CFAP20DC: variants seen among roughly 807,000 people sequenced by gnomAD.
CFAP20DC encodes the protein CFAP20 domain containing.
Under a neutral mutation model 101.7 loss-of-function variants are expected in CFAP20DC, and 84 were observed. The observed-to-expected ratio is 0.83, with a 90% CI of 0.69 to 0.99. The LOEUF is 0.99. Ranked by LOEUF, CFAP20DC falls within the 50% of genes least tolerant of loss-of-function variation. The pLI, the probability that CFAP20DC is intolerant of heterozygous loss-of-function variation, is 0.00. For missense variants in CFAP20DC, 1,007 were observed against 970.3 expected, an observed-to-expected ratio of 1.04 and a Z score of -0.50; for synonymous variants, 359 against 351.2, an observed-to-expected ratio of 1.02 and a Z score of -0.25.
chr3:59,038,479 C>T (rs943117409), intron 4 of CFAP20DC, among the ~76,000 whole-genome samples: 1 of 152,112 alleles, frequency 6.6e-6, no homozygotes, highest in Non-Finnish European at 1.5e-5. Flanking sequence ...CTGAGCTTTG[C>T]TTTATTGCAC....
chr3:58,734,480 A>C, intron 3 of CFAP20DC: 1 of 453,738 alleles, frequency 2.2e-6, no homozygotes, highest in Non-Finnish European at 4.4e-6. Flanking sequence ...ACCATGTGCT[A>C]AGTGCTTTTT....
intron 14 of CFAP20DC, among the ~76,000 whole-genome samples, chr3:58,816,156 T>C (rs1179692275): frequency 1.3e-5 from 2 of 151,138 alleles, no homozygotes; most frequent in South Asian, 2.1e-4. Context: ...GTGGCACACA[T>C]ACACCATGGA....
chr3:58,918,116 C>G (rs139128964), intron 5 of CFAP20DC, among the ~76,000 whole-genome samples: 1 of 152,260 alleles, frequency 6.6e-6, no homozygotes, highest in East Asian at 1.9e-4. Flanking sequence ...GAGTCTTAGA[C>G]ACATTACCGT....
chr3:58,762,606 T>A (rs1239495696), intron 15 of CFAP20DC, among the ~76,000 whole-genome samples: 1 of 152,236 alleles, frequency 6.6e-6, no homozygotes, highest in Non-Finnish European at 1.5e-5. Context: ...ATTTTGCTCG[T>A]TAGTTGATGC....
At chr3:58,796,574 A>G (rs2107665436) in intron 15 of CFAP20DC, among the ~76,000 whole-genome samples, 2 of 152,210 alleles carry the variant, frequency 1.3e-5, no homozygotes, top group Middle Eastern at 6.8e-3. Context: ...CCTCTCCAGG[A>G]ACAGAAGGGG....
intron 14 of CFAP20DC, among the ~76,000 whole-genome samples, chr3:58,814,102 C>A (rs2074912006): frequency 6.6e-6 from 1 of 151,796 alleles, no homozygotes; most frequent in African/African-American, 2.4e-5. Flanking sequence ...AGTGAATGGA[C>A]CTCTGCCTAT....
At chr3:58,952,049 A>C (rs2090173557) in intron 4 of CFAP20DC, among the ~76,000 whole-genome samples, 1 of 152,184 alleles carries the variant, frequency 6.6e-6, no homozygotes. Context: ...GACACATATA[A>C]AACATGATGG....
chr3:58,838,803 C>G (rs1387323276), intron 13 of CFAP20DC, among the ~76,000 whole-genome samples: 1 of 152,094 alleles, frequency 6.6e-6, no homozygotes, highest in African/African-American at 2.4e-5. Flanking sequence ...CTTCTGAGTT[C>G]AGGGTATGTC....
chr3:58,927,249 AT>A (rs532706792), intron 5 of CFAP20DC, among the ~76,000 whole-genome samples: 126 of 152,316 alleles, frequency 8.3e-4, no homozygotes, highest in African/African-American at 2.9e-3. Context: ...ATAAATATTC[AT>A]TTTGGTGTGG....
Position 58,722,187 on chromosome 3 carries a change from C to T in CFAP20DC, c.198-4559G>A, listed in dbSNP as rs912364589. On this transcript the variant is annotated intron_variant, in intron 3 of 3. Coordinates refer to the CFAP20DC transcript ENST00000486145. The surrounding 1 kb of genome is among the most constrained non-coding windows in gnomAD (Gnocchi z 4.5). ...GCTAAAGCCCAGCCTCCGGGTCATC[C>T]CAGCCCAGGCACCAGGCATGTGAGA... 2.0e-5 allele frequency among the ~76,000 whole-genome samples: 3 copies of T among 152,162 alleles called. No individual in the cohort carries two copies. The highest frequency in any genetic ancestry group is 7.2e-5 in the African/African-American group (3 of 41,442).
chr3:58,822,294 AT>A (rs202143082), intron 14 of CFAP20DC, among the ~76,000 whole-genome samples: 1,946 of 124,264 alleles, frequency 0.016, 17 homozygotes, highest in South Asian at 0.065. Context: ...TTAAAGTATA[AT>A]AAAAAAAAAT....
intron 4 of CFAP20DC, among the ~76,000 whole-genome samples, chr3:58,967,094 C>T (rs567868652): frequency 2.6e-5 from 4 of 152,142 alleles, no homozygotes; most frequent in Middle Eastern, 3.4e-3. Flanking sequence ...TCCCATTTCC[C>T]GATTTAAAAC....
chr3:58,836,205 G>A lies in CFAP20DC; in HGVS notation c.1972-4316C>T, dbSNP rs553313559. On this transcript the variant is annotated intron_variant, in intron 13 of 16. Coordinates refer to ENST00000482387, the MANE Select transcript of CFAP20DC (RefSeq NM_001394063.1). ...CTTTCATAAACCTTACATCTATCAG[G>A]GCAATTGAGAGCTATAAAGAAGGAA... 7.2e-5 allele frequency among the ~76,000 whole-genome samples: 11 copies of A among 152,148 alleles called. No homozygotes were observed. The South Asian group carries it at 1.5e-3, about 20-fold the overall frequency.
chr3:59,027,237 A>C (rs2093909712), intron 4 of CFAP20DC, among the ~76,000 whole-genome samples: 1 of 152,246 alleles, frequency 6.6e-6, no homozygotes, highest in Non-Finnish European at 1.5e-5. Context: ...GATCAGTTAA[A>C]ATTTGTAAGG....
chr3:58,806,492 G>C, intron 14 of CFAP20DC, 36 bp from the exon 15 acceptor site: 1 of 1,475,378 alleles, frequency 6.8e-7, no homozygotes, highest in Non-Finnish European at 9.5e-7. Flanking sequence ...TGTTTAATCA[G>C]CACAAAGCTG....
intron 5 of CFAP20DC, among the ~76,000 whole-genome samples, chr3:58,921,939 A>T (rs929497368): frequency 1.3e-5 from 2 of 152,192 alleles, no homozygotes; most frequent in African/African-American, 4.8e-5. Context: ...CCTCCTTATC[A>T]TTGTGAAACA....
intron 6 of CFAP20DC, among the ~76,000 whole-genome samples, chr3:58,890,198 C>T (rs1337285837): frequency 6.7e-6 from 1 of 149,416 alleles, no homozygotes; most frequent in Non-Finnish European, 1.5e-5. Context: ...CCCCCACCTC[C>T]CTCCCGGACG....
Position 58,868,553 on chromosome 3 carries a change from C to T in CFAP20DC, c.1016-617G>A, listed in dbSNP as rs1325249497. On this transcript the variant is annotated intron_variant, in intron 9 of 16. Coordinates refer to ENST00000482387, the MANE Select transcript of CFAP20DC (RefSeq NM_001394063.1). This position sits in a 1 kb window ranked among gnomAD's most constrained non-coding sequence, Gnocchi z 4.6. ...TATTAGTGCCAGTAGTAATGCCATT[C>T]CCATTTTACAGAGGAGAAAACTAAG... Among the ~76,000 whole-genome samples the T allele has an allele frequency of 6.6e-6, 1 of 152,086 alleles. No homozygotes were observed. The highest frequency in any genetic ancestry group is 6.5e-5 in the Admixed American group (1 of 15,278).
At chr3:59,037,944 C>T (rs755303845) in intron 4 of CFAP20DC, among the ~76,000 whole-genome samples, 2 of 152,118 alleles carry the variant, frequency 1.3e-5, no homozygotes, top group Non-Finnish European at 2.9e-5. Context: ...TACTATGCAG[C>T]TGTAAAAGAG....
Sources: gnomAD v4.1 joint callset for allele counts (sites outside exome capture counted in the v4.1 genomes callset) on GRCh38, gnomAD v4.1.1 for gene constraint, Gnocchi (gnomAD v3.1) non-coding constraint, MANE v1.5 for transcripts, NCBI Gene and HGNC (gene_info 2026-07-23, HGNC 2026-07-21) for gene names.